The following ALDH2 variants were observed in gnomAD, a reference collection of about 807,000 sequenced individuals.
ALDH2 encodes the protein aldehyde dehydrogenase 2 family member.
Under a neutral mutation model 59.6 loss-of-function variants are expected in ALDH2, and 44 were observed. The ratio of observed to expected loss-of-function variants is 0.74; its 90% CI spans 0.58 to 0.95. ALDH2 has a LOEUF of 0.95. Among genes scored for constraint, ALDH2 ranks in the 40% least tolerant of loss-of-function variants. The pLI, the probability that ALDH2 is intolerant of heterozygous loss-of-function variation, is 0.00. For missense variants in ALDH2, 570 were observed against 696.3 expected, an observed-to-expected ratio of 0.82 and a Z score of 2.04; for synonymous variants, 291 against 284.0, an observed-to-expected ratio of 1.02 and a Z score of -0.25.
intron 2 of ALDH2, 127 bp downstream of exon 2, chr12:111,782,149 C>T (rs1243375424): frequency 7.3e-6 from 5 of 683,272 alleles, no homozygotes; most frequent in Non-Finnish European, 1.3e-5. Context: ...GTGAAAAATT[C>T]CGAGTAAATT....
At chr12:111,792,505 G>A in intron 8 of ALDH2, 93 bp from the exon 9 acceptor site, 3 of 1,403,288 alleles carry the variant, frequency 2.1e-6, no homozygotes, top group Non-Finnish European at 2.9e-6. Flanking sequence ...AACCCTTACA[G>A]TGGTGGGAAC....
At position 111,792,671 on chromosome 12, in the gene ALDH2, G is replaced by A; in HGVS notation, c.972G>A (p.Arg324=). Residue 324 remains arginine (R), a synonymous_variant, in exon 9 of 13, where the codon CGG becomes CGA. Transcript: ENST00000261733. The part of the protein sequence containing the change: ...NQGQCCCAGS[R]TFVQEDIYDE... ...GCCAGTGCTGCTGTGCCGGCTCCCG[G>A]ACCTTCGTGCAGGAGGACATCTATG... 2 of 1,611,190 alleles carry A rather than the reference G, an allele frequency of 1.2e-6. No homozygotes were observed. The highest frequency in any genetic ancestry group is 2.2e-5 in the East Asian group (1 of 44,738).
chr12:111,776,030 A>G (rs896091555), intron 1 of ALDH2, among the ~76,000 whole-genome samples: 9 of 152,154 alleles, frequency 5.9e-5, no homozygotes, highest in Admixed American at 5.9e-4. Context: ...GTGAAGGGTG[A>G]TTGAGAACAT....
chr12:111,798,611 T>A (rs145535938), intron 10 of ALDH2, among the ~76,000 whole-genome samples: 1 of 152,092 alleles, frequency 6.6e-6, no homozygotes, highest in South Asian at 2.1e-4. Context: ...CATGGCTCCT[T>A]ATAGCCTTGA....
intron 1 of ALDH2, among the ~76,000 whole-genome samples, chr12:111,781,078 C>T (rs2136012574): frequency 6.6e-6 from 1 of 152,094 alleles, no homozygotes; most frequent in East Asian, 1.9e-4. Flanking sequence ...CACTGCACTC[C>T]AGCCTGGGCA....
chr12:111,802,098 C>T (rs2068456038), intron 11 of ALDH2, among the ~76,000 whole-genome samples: 1 of 151,954 alleles, frequency 6.6e-6, no homozygotes, highest in Non-Finnish European at 1.5e-5. Context: ...ACTAAAAATA[C>T]AAAAATTAGG....
At chr12:111,807,786 G>C (rs1210102415) in intron 12 of ALDH2, among the ~76,000 whole-genome samples, 5 of 152,052 alleles carry the variant, frequency 3.3e-5, no homozygotes, top group Non-Finnish European at 7.4e-5. Context: ...ACAGGCCCTT[G>C]TTGGCCATGA....
In ALDH2 at chr12:111,795,596, C is replaced by CTT. The variant is rs112888725; in HGVS notation, c.1084-2469_1084-2468dup. ...CCGCACCTGTCCTAACATTTCTTTTCTTTTTTTTTTTTTTGAGACAGAGTC... is the reference window on the plus strand; with the variant it reads ...CCGCACCTGTCCTAACATTTCTTTTCTTTTTTTTTTTTTTTTGAGACAGAGTC... On this transcript the variant is annotated intron_variant, in intron 9 of 12. Transcript: ENST00000261733. 3.0e-3 allele frequency among the ~76,000 whole-genome samples: 389 copies of CTT among 129,330 alleles called. 4 individuals carry two copies. Among genetic ancestry groups the CTT allele is most frequent in the East Asian group, 0.027 (122 of 4,438 alleles). 84.8% of individuals were successfully genotyped at this position (129,330 alleles called of 152,430 possible).
chr12:111,781,773 A>C, intron 1 of ALDH2, 145 bp from the exon 2 acceptor site: 7 of 579,942 alleles, frequency 1.2e-5, no homozygotes, highest in East Asian at 3.1e-5. Context: ...GATTGTCTGC[A>C]AGGCCTGTGC....
intron 9 of ALDH2, among the ~76,000 whole-genome samples, chr12:111,794,407 T>C (rs2068386670): frequency 6.6e-6 from 1 of 152,188 alleles, no homozygotes; most frequent in Non-Finnish European, 1.5e-5. Flanking sequence ...GGCTTCTTTC[T>C]TTTAGCAGTT....
At chr12:111,792,461 T>G in intron 8 of ALDH2, 137 bp from the exon 9 acceptor site, 2 of 1,049,708 alleles carry the variant, frequency 1.9e-6, no homozygotes, top group South Asian at 3.3e-5. Flanking sequence ...ACCCCTCATC[T>G]CCCTGTATCT....
Position 111,792,725 on chromosome 12 carries a change from G to T in ALDH2, c.1026G>T (p.Arg342=). The T allele has an allele frequency of 6.3e-7, 1 of 1,581,244 alleles. No individual in the cohort carries two copies. Among genetic ancestry groups the T allele is most frequent in the East Asian group, 2.3e-5 (1 of 42,808 alleles). The change falls in exon 9 of 13, where the codon CGG becomes CGT. Residue 342 remains arginine (R), a synonymous_variant. Coordinates refer to ENST00000261733, the MANE Select transcript of ALDH2 (RefSeq NM_000690.4). The part of the protein sequence containing the change: ...YDEFVERSVA[R]AKSRVVGNPF... The stretch of plus-strand genomic sequence containing the variant: ...AGTTTGTGGAGCGGAGCGTTGCCCG[G>T]GCCAAGTCTCGGGTGGTCGGGAACC...
In ALDH2 at chr12:111,817,463, ATT is replaced by A; in HGVS notation, c.*7889_*7890del. ...GGCAAGATTTACAGGTCAATTGGATATTGTTTACCTGGAGCTGGTCCTTCTTA... is the reference window on the plus strand; with the variant it reads ...GGCAAGATTTACAGGTCAATTGGATAGTTTACCTGGAGCTGGTCCTTCTTA... On this transcript the variant is annotated 3_prime_UTR_variant, in exon 13 of 13. Transcript: ENST00000261733. 6.6e-6 allele frequency: 1 copy of A among 152,330 alleles called. No individual in the cohort carries two copies. The highest frequency in any genetic ancestry group is 2.1e-4 in the South Asian group (1 of 4,830). The allele number at this position is 152,330 out of a possible 1,614,324, so 9.4% of individuals were successfully genotyped here. A position where few individuals can be genotyped will look rare whatever the true frequency, so the allele number is the denominator to read the frequency against.
chr12:111,791,605 T>C (rs1169505856), intron 7 of ALDH2, among the ~76,000 whole-genome samples, 186 bp downstream of exon 7: 3 of 152,170 alleles, frequency 2.0e-5, no homozygotes, highest in African/African-American at 7.2e-5. Flanking sequence ...CCACACTAGC[T>C]GCCCTTGGGA....
intron 4 of ALDH2, among the ~76,000 whole-genome samples, chr12:111,789,110 C>T (rs2136017145): frequency 6.7e-6 from 1 of 150,104 alleles, no homozygotes; most frequent in South Asian, 2.1e-4. Context: ...CTCCGCCTCC[C>T]AGGTTTAAGC....
chr12:111,778,099 G>A (rs76081702), intron 1 of ALDH2, among the ~76,000 whole-genome samples: 2,321 of 152,194 alleles, frequency 0.015, 67 homozygotes, highest in African/African-American at 0.053. Context: ...TCGTCATGGC[G>A]TTGGGCATTC....
intron 9 of ALDH2, 54 bp downstream of exon 9, chr12:111,792,836 G>A: frequency 6.6e-7 from 1 of 1,511,120 alleles, no homozygotes; most frequent in Non-Finnish European, 8.9e-7. Flanking sequence ...ATGAGAAGCA[G>A]AGAGGGCATC....
At chr12:111,799,178 C>T (rs924726828) in intron 10 of ALDH2, among the ~76,000 whole-genome samples, 15 of 141,258 alleles carry the variant, frequency 1.1e-4, no homozygotes, top group African/African-American at 3.1e-4. Context: ...TTTCTCTTCT[C>T]GTTTTGAGAT....
chr12:111,798,679 T>G, intron 10 of ALDH2, among the ~76,000 whole-genome samples: 1 of 152,032 alleles, frequency 6.6e-6, no homozygotes, highest in East Asian at 1.9e-4. Flanking sequence ...GGACTACAGG[T>G]GCTCACCACC....
Sources: gnomAD v4.1 joint callset for allele counts (sites outside exome capture counted in the v4.1 genomes callset) on GRCh38, gnomAD v4.1.1 for gene constraint, MANE v1.5 for transcripts, NCBI Gene and HGNC (gene_info 2026-07-23, HGNC 2026-07-21) for gene names.